The following IL1RL2 variants were observed in gnomAD, a reference collection of about 807,000 sequenced individuals.
IL1RL2 encodes interleukin 1 receptor like 2.
A neutral mutation model predicts 66.8 loss-of-function variants in IL1RL2; 68 were observed. The ratio of observed to expected loss-of-function variants is 1.02; its 90% confidence interval spans 0.84 to 1.25. IL1RL2 has a LOEUF of 1.25. Ranked by LOEUF, IL1RL2 falls within the 50% of genes most tolerant of loss-of-function variation. The pLI is 0.00. For missense variants in IL1RL2, 729 were observed against 709.3 expected, an observed-to-expected ratio of 1.03 and a Z score of -0.32; for synonymous variants, 305 against 264.6, an observed-to-expected ratio of 1.15 and a Z score of -1.48.
intron 4 of IL1RL2, among the ~76,000 whole-genome samples, chr2:102,195,098 G>A (rs766451828): frequency 4.6e-5 from 7 of 152,278 alleles, no homozygotes; most frequent in East Asian, 1.9e-4. Flanking sequence ...CATTTGGCCC[G>A]TTGTGTGGTT....
chr2:102,189,898 C>G (rs1391847675), intron 3 of IL1RL2, among the ~76,000 whole-genome samples: 1 of 152,218 alleles, frequency 6.6e-6, no homozygotes, highest in South Asian at 2.1e-4. Context: ...GTGATCCGCC[C>G]GTCTTGGCCT....
At chr2:102,189,640 T>C (rs1687055283) in intron 3 of IL1RL2, among the ~76,000 whole-genome samples, 3 of 152,130 alleles carry the variant, frequency 2.0e-5, no homozygotes, top group Admixed American at 2.0e-4. Flanking sequence ...TTTTTTGAGA[T>C]GGAGTCTCGC....
At chr2:102,232,914 A>G (rs1226704511) in intron 9 of IL1RL2, 49 bp from the exon 10 acceptor site, 4 of 1,578,642 alleles carry the variant, frequency 2.5e-6, no homozygotes, top group Admixed American at 3.4e-5. Flanking sequence ...TATTAACATG[A>G]GAGAATTTGG....
chr2:102,222,853 C>T (rs1690258852), intron 8 of IL1RL2, among the ~76,000 whole-genome samples: 1 of 152,160 alleles, frequency 6.6e-6, no homozygotes, highest in Admixed American at 6.5e-5. Context: ...CTTGGAGAGT[C>T]CAGGAGACCT....
At chr2:102,226,173 T>A (rs10198860) in intron 9 of IL1RL2, 132 bp downstream of exon 9, 83,694 of 635,752 alleles carry the variant, frequency 0.13, 7,438 homozygotes, top group Admixed American at 0.37. Flanking sequence ...TCCTTGGAAC[T>A]GCCTGTGCTT....
intron 10 of IL1RL2, 76 bp from the exon 11 acceptor site, chr2:102,234,821 C>T (rs927739199): frequency 9.3e-5 from 127 of 1,361,434 alleles, no homozygotes; most frequent in Non-Finnish European, 1.3e-4. Flanking sequence ...TGGCCTGTTT[C>T]AAACATTCTC....
intron 4 of IL1RL2, among the ~76,000 whole-genome samples, chr2:102,198,497 T>A (rs1687971729): frequency 6.6e-6 from 1 of 152,174 alleles, no homozygotes; most frequent in Non-Finnish European, 1.5e-5. Flanking sequence ...CTGTGCTCAA[T>A]CTGAACTTGC....
At chr2:102,203,065 G>A (rs1476772196) in intron 5 of IL1RL2, among the ~76,000 whole-genome samples, 3 of 152,046 alleles carry the variant, frequency 2.0e-5, no homozygotes, top group Non-Finnish European at 2.9e-5. Context: ...TCTACTTCCA[G>A]TTTTTTGAGG....
chr2:102,218,136 A>G (rs1689770144), intron 6 of IL1RL2, among the ~76,000 whole-genome samples: 1 of 152,208 alleles, frequency 6.6e-6, no homozygotes, highest in Non-Finnish European at 1.5e-5. Flanking sequence ...TGATTAAAAA[A>G]TGGACAGAAG....
At chr2:102,188,202 A>G (rs1686874051) in intron 2 of IL1RL2, among the ~76,000 whole-genome samples, 1 of 152,232 alleles carries the variant, frequency 6.6e-6, no homozygotes, top group African/African-American at 2.4e-5. Context: ...CTCAAATGGA[A>G]TTACTACAGG....
chr2:102,193,144 G>C (rs1375979118), intron 4 of IL1RL2, among the ~76,000 whole-genome samples: 2 of 152,090 alleles, frequency 1.3e-5, no homozygotes, highest in Non-Finnish European at 2.9e-5. Context: ...GCTAACTTTT[G>C]ACTTTGTTGA....
At chr2:102,199,324 G>C (rs1353507551) in intron 4 of IL1RL2, among the ~76,000 whole-genome samples, 1 of 152,120 alleles carries the variant, frequency 6.6e-6, no homozygotes, top group African/African-American at 2.4e-5. Context: ...TCTGATGCTC[G>C]TCTCCTCTTC....
intron 4 of IL1RL2, among the ~76,000 whole-genome samples, chr2:102,198,662 AT>A (rs752695343): frequency 6.6e-6 from 1 of 151,026 alleles, no homozygotes; most frequent in African/African-American, 2.4e-5. Context: ...TTTTATTTTT[AT>A]TTTTTTCTGG....
chr2:102,196,321 A>G (rs1308489010), intron 4 of IL1RL2, among the ~76,000 whole-genome samples: 2 of 152,204 alleles, frequency 1.3e-5, no homozygotes, highest in African/African-American at 4.8e-5. Context: ...GCTGAGGGTC[A>G]GCAGTGTAAG....
At chr2:102,193,191 T>C (rs1687383736) in intron 4 of IL1RL2, among the ~76,000 whole-genome samples, 1 of 152,184 alleles carries the variant, frequency 6.6e-6, no homozygotes, top group South Asian at 2.1e-4. Context: ...ATTTAGGTTG[T>C]TTAGTTTCCC....
intron 4 of IL1RL2, among the ~76,000 whole-genome samples, chr2:102,200,149 T>A (rs1409822091): frequency 1.3e-5 from 2 of 150,062 alleles, no homozygotes; most frequent in Non-Finnish European, 3.0e-5. Flanking sequence ...AGTGCTTGTC[T>A]GTATCCTAAA....
chr2:102,195,166 T>A lies in IL1RL2; in HGVS notation c.489+3046T>A, dbSNP rs1008879584. Among the ~76,000 whole-genome samples the A allele has an allele frequency of 2.0e-5, 3 of 152,206 alleles. No individual in the cohort carries two copies. In the East Asian group the frequency reaches 5.8e-4, roughly 29 times the overall value. On this transcript the variant is annotated intron_variant, in intron 4 of 11. Coordinates refer to ENST00000264257, the MANE Select transcript of IL1RL2 (RefSeq NM_003854.4). ...TAGTAGTTCTTTATAGATCTGGATA[T>A]CAGTAATTGTTACAATGTGTCCTTC...
At chr2:102,239,137 GC>G in intron 11 of IL1RL2, 54 bp from the exon 12 acceptor site, 12 of 1,537,460 alleles carry the variant, frequency 7.8e-6, no homozygotes, top group Non-Finnish European at 1.1e-5. Context: ...TTCCTTATCA[GC>G]CCCCATCTCC....
intron 3 of IL1RL2, among the ~76,000 whole-genome samples, chr2:102,191,098 C>A (rs900439243): frequency 3.3e-5 from 5 of 152,044 alleles, no homozygotes; most frequent in Admixed American, 3.3e-4. Context: ...ATAATTTTCT[C>A]TTTCACAATA....
Sources: gnomAD v4.1 joint callset for allele counts (sites outside exome capture counted in the v4.1 genomes callset) on GRCh38, gnomAD v4.1.1 for gene constraint, MANE v1.5 for transcripts, NCBI Gene and HGNC (gene_info 2026-07-23, HGNC 2026-07-21) for gene names.